The following TRPM6 variants were observed in gnomAD, a reference collection of about 807,000 sequenced individuals.
The protein encoded by TRPM6 is channel kinase 2.
A neutral mutation model predicts 247.6 loss-of-function variants in TRPM6; 111 were observed. That is an observed-to-expected ratio of 0.45 (90% confidence interval 0.38 to 0.52). The LOEUF (loss-of-function observed/expected upper bound fraction) is 0.52. Ranked by LOEUF, TRPM6 falls within the 20% of genes least tolerant of loss-of-function variation. The pLI is 0.00. For missense variants in TRPM6, 2,126 were observed against 2,421.5 expected (o/e 0.88, Z 2.56); for synonymous variants, 892 against 853.8 (o/e 1.04, Z -0.78).
At chr9:74,747,326 T>C (rs1456923051) in intron 31 of TRPM6, among the ~76,000 whole-genome samples, 1 of 151,760 alleles carries the variant, frequency 6.6e-6, no homozygotes, top group East Asian at 1.9e-4. Context: ...GGTGGGGGAG[T>C]ACTGGAAACC....
intron 24 of TRPM6, 32 bp downstream of exon 24, chr9:74,775,851 C>T (rs1055692596): frequency 4.3e-6 from 7 of 1,611,956 alleles, no homozygotes; most frequent in East Asian, 2.2e-5. Flanking sequence ...ACTTTTTGCT[C>T]TCTTTCTCCT....
intron 1 of TRPM6, chr9:74,887,430 C>G: frequency 1.7e-6 from 2 of 1,160,048 alleles, no homozygotes; most frequent in Non-Finnish European, 2.4e-6. Flanking sequence ...TCCGGATTCT[C>G]AGCTCAAGCC....
At chr9:74,872,627 T>C (rs1831063649) in intron 1 of TRPM6, among the ~76,000 whole-genome samples, 1 of 149,642 alleles carries the variant, frequency 6.7e-6, no homozygotes, top group African/African-American at 2.5e-5. Context: ...TGTGTGTGCA[T>C]GCGCGCACGT....
intron 33 of TRPM6, 59 bp from the exon 34 acceptor site, chr9:74,740,068 A>G (rs1825814286): frequency 6.4e-7 from 1 of 1,573,178 alleles, no homozygotes; most frequent in Non-Finnish European, 8.7e-7. Flanking sequence ...TGACATGAAT[A>G]GTATCCTAAA....
At position 74,850,321 on chromosome 9, in the gene TRPM6, G is replaced by A. The variant is rs375082196; in HGVS notation, c.152+5206C>T. Among the ~76,000 whole-genome samples the A allele has an allele frequency of 3.2e-4, 48 of 152,270 alleles. No individual in the cohort carries two copies. In the East Asian group the frequency reaches 7.9e-3, roughly 25 times the overall value. ...CGGGAAGTGGAAGTTATAGTGAGGC[G>A]AGATTGGGCCATTGCGCTCCAGCCT... On this transcript the variant is annotated intron_variant, in intron 3 of 38. Transcript: ENST00000360774.
At chr9:74,756,286 T>C (rs1043165266) in intron 27 of TRPM6, among the ~76,000 whole-genome samples, 1 of 151,664 alleles carries the variant, frequency 6.6e-6, no homozygotes, top group African/African-American at 2.4e-5. Flanking sequence ...TCTTTGCTTC[T>C]GCTTCTCATT....
At chr9:74,760,813 C>A (rs972134064) in intron 27 of TRPM6, among the ~76,000 whole-genome samples, 1 of 152,114 alleles carries the variant, frequency 6.6e-6, no homozygotes, top group Admixed American at 6.5e-5. Context: ...AGGGCTCTGG[C>A]TCATGAATAC....
chr9:74,779,670 G>A (rs899815755), intron 23 of TRPM6, among the ~76,000 whole-genome samples: 2 of 152,196 alleles, frequency 1.3e-5, no homozygotes, highest in African/African-American at 4.8e-5. Flanking sequence ...ACAAATATGT[G>A]TCAGGCACTC....
chr9:74,744,222 A>C, intron 31 of TRPM6, 77 bp from the exon 32 acceptor site: 1 of 1,466,378 alleles, frequency 6.8e-7, no homozygotes, highest in Admixed American at 1.7e-5. Context: ...ATTGCCTTCA[A>C]AGTTATTATT....
intron 3 of TRPM6, among the ~76,000 whole-genome samples, chr9:74,853,864 AAAAAT>A (rs573585286): frequency 2.6e-5 from 4 of 152,276 alleles, no homozygotes; most frequent in East Asian, 3.9e-4. Context: ...TAAATACTAA[AAAAAT>A]AAAATAAAAT....
intron 1 of TRPM6, among the ~76,000 whole-genome samples, chr9:74,875,790 A>G (rs1328167393): frequency 6.6e-6 from 1 of 152,236 alleles, no homozygotes; most frequent in African/African-American, 2.4e-5. Context: ...AGGCTAAAAT[A>G]CGTTTTCTTT....
chr9:74,724,716 C>T lies in TRPM6; in HGVS notation c.5966G>A (p.Arg1989Lys). The T allele has an allele frequency of 2.5e-6, 4 of 1,614,168 alleles. No individual in the cohort carries two copies. Among genetic ancestry groups the T allele is most frequent in the Middle Eastern group, 3.3e-4 (2 of 6,056 alleles). The change falls in exon 39 of 39, where the codon AGG (arginine) becomes AAG (lysine). Residue 1989 changes from arginine to lysine, a missense_variant. Around this residue, in one of 3 missense-constraint regions of TRPM6, gnomAD observed 327 missense variants for 397.7 expected, o/e 0.82. Transcript: ENST00000360774. ...DLKRNDYSPE[R>K]INSTFGLEIK... is the part of the protein sequence containing the mutation. The stretch of plus-strand genomic sequence containing the variant: ...CTCAAGTCCAAAGGTGGAATTTATC[C>T]TTTCAGGGGAATAGTCATTTCTTTT...
rs1429716954 is a variant in TRPM6 at position 74,742,559 on chromosome 9, A to G, written c.5200+2T>C. On this transcript the variant is annotated splice_donor_variant, in intron 33 of 38. Transcript: ENST00000360774. LOFTEE classifies it high-confidence loss of function. ...ACTCAAGAAGGTAGAAATGCTACTC[A>G]CCAAACAGTTGGACTGGTGTAAATG... The G allele has an allele frequency of 6.2e-7, 1 of 1,613,746 alleles. No individual in the cohort carries two copies.
At chr9:74,849,151 A>G (rs1016451678) in intron 3 of TRPM6, among the ~76,000 whole-genome samples, 5 of 152,134 alleles carry the variant, frequency 3.3e-5, no homozygotes, top group Non-Finnish European at 5.9e-5. Context: ...GGAGTTCGAG[A>G]CCAACCTGGC....
intron 11 of TRPM6, among the ~76,000 whole-genome samples, chr9:74,813,606 C>G (rs902520773): frequency 6.6e-6 from 1 of 152,158 alleles, no homozygotes; most frequent in Non-Finnish European, 1.5e-5. Flanking sequence ...TCAGATCACC[C>G]TACTGTGAAA....
In TRPM6 at chr9:74,782,803, G is replaced by A. The variant is rs1827510831; in HGVS notation, c.2970C>T (p.Ser990=). 1 of 1,614,016 alleles carries A rather than the reference G, an allele frequency of 6.2e-7. No homozygotes were observed. The highest frequency in any genetic ancestry group is 1.1e-5 in the South Asian group (1 of 91,082). ...IVIIMAIVLL[S]FGVARKAILS... ...GGATGGCCTTGCGTGCCACTCCAAA[G>A]CTCAGCAGGACTATGGCCATGATGA... The change falls in exon 22 of 39, where the codon AGC becomes AGT. Residue 990 remains serine, a synonymous_variant. Transcript: ENST00000360774.
chr9:74,730,593 C>T (rs575569096), intron 37 of TRPM6, among the ~76,000 whole-genome samples: 37 of 152,210 alleles, frequency 2.4e-4, no homozygotes, highest in African/African-American at 8.2e-4. Context: ...TAATTTACAC[C>T]GGATCACCTG....
chr9:74,862,574 T>C (rs554035332), intron 1 of TRPM6, among the ~76,000 whole-genome samples: 22 of 152,334 alleles, frequency 1.4e-4, no homozygotes, highest in Middle Eastern at 3.4e-3. Flanking sequence ...CAGACTAACA[T>C]AGTGAGATAC....
intron 1 of TRPM6, among the ~76,000 whole-genome samples, chr9:74,862,095 A>AG (rs1830705681): frequency 1.1e-5 from 1 of 87,602 alleles, no homozygotes; most frequent in Admixed American, 1.3e-4. Context: ...CAAAACTACC[A>AG]GAAAAAAAAA....
Sources: allele counts gnomAD v4.1 joint callset (sites outside exome capture counted in the v4.1 genomes callset), GRCh38; gene constraint gnomAD v4.1.1; regional missense constraint gnomAD v4.1.1; transcripts MANE v1.5; gene names NCBI Gene and HGNC (gene_info 2026-07-23, HGNC 2026-07-21).